The following PCCA variants were observed in gnomAD, a reference collection of about 807,000 sequenced individuals.
PCCA encodes the protein propionyl-CoA carboxylase alpha chain, mitochondrial.
In PCCA, 74 loss-of-function variants were observed where a neutral mutation model predicts 101.3. The ratio of observed to expected loss-of-function variants is 0.73; its 90% CI spans 0.61 to 0.89. The LOEUF (loss-of-function observed/expected upper bound fraction) is 0.89, where lower values mean the gene tolerates loss of function less well. Ranked by LOEUF, PCCA falls within the 40% of genes least tolerant of loss-of-function variation. The pLI, the probability that PCCA is intolerant of heterozygous loss-of-function variation, is 0.00. For missense variants in PCCA, 891 were observed against 907.0 expected (o/e 0.98, Z 0.23); for synonymous variants, 294 against 313.6 (o/e 0.94, Z 0.66).
Position 100,407,087 on chromosome 13 carries a change from A to G in PCCA, c.1747-18546A>G, listed in dbSNP as rs149481680. On this transcript the variant is annotated intron_variant, in intron 19 of 23. Coordinates refer to ENST00000376285, the MANE Select transcript of PCCA (RefSeq NM_000282.4). ...CTGACAAAGAAGTTCGGTTATCTCC[A>G]TGGTTTACAATAACTTAACATAACA... Among the ~76,000 whole-genome samples the G allele has an allele frequency of 1.8e-3, 276 of 152,322 alleles. 2 individuals are homozygous for G. Among genetic ancestry groups the G allele is most frequent in the Admixed American group, 5.4e-3 (83 of 15,304 alleles).
intron 12 of PCCA, among the ~76,000 whole-genome samples, chr13:100,282,795 G>A (rs1350165692): frequency 6.6e-6 from 1 of 152,108 alleles, no homozygotes; most frequent in African/African-American, 2.4e-5. Flanking sequence ...AGAATACACA[G>A]CTATGCAAAG....
intron 6 of PCCA, among the ~76,000 whole-genome samples, chr13:100,193,932 G>A (rs938999937): frequency 7.2e-5 from 11 of 151,990 alleles, no homozygotes; most frequent in East Asian, 1.9e-4. Context: ...TTATCCTGGC[G>A]TGGTAGCGGG....
intron 22 of PCCA, among the ~76,000 whole-genome samples, chr13:100,519,902 C>G (rs2087106462): frequency 6.6e-6 from 1 of 152,256 alleles, no homozygotes; most frequent in Admixed American, 6.5e-5. Context: ...AGGGGCTAGC[C>G]TGGCTGCTTC....
intron 6 of PCCA, among the ~76,000 whole-genome samples, chr13:100,184,231 T>C (rs2152434977): frequency 1.3e-5 from 2 of 152,278 alleles, no homozygotes; most frequent in Non-Finnish European, 2.9e-5. Flanking sequence ...TTTGTTTCTC[T>C]TTCTCCTCTG....
intron 10 of PCCA, 93 bp from the exon 11 acceptor site, chr13:100,268,596 A>G: frequency 1.1e-6 from 1 of 889,456 alleles, no homozygotes; most frequent in Non-Finnish European, 1.9e-6. Flanking sequence ...TTTGAATATT[A>G]AAAACCAAGA....
At chr13:100,282,926 A>T in intron 12 of PCCA, among the ~76,000 whole-genome samples, 1 of 152,134 alleles carries the variant, frequency 6.6e-6, no homozygotes, top group Non-Finnish European at 1.5e-5. Flanking sequence ...GAAGGAAATA[A>T]GCAAAGAAAT....
intron 19 of PCCA, among the ~76,000 whole-genome samples, chr13:100,383,576 C>T (rs2076344425): frequency 6.6e-6 from 1 of 151,692 alleles, no homozygotes; most frequent in Non-Finnish European, 1.5e-5. Flanking sequence ...CACCACTGCA[C>T]TCTAGCCTGG....
intron 4 of PCCA, among the ~76,000 whole-genome samples, chr13:100,132,093 TAAAC>T (rs1795334156): frequency 1.3e-5 from 2 of 152,202 alleles, no homozygotes; most frequent in Non-Finnish European, 2.9e-5. Flanking sequence ...AATGTACTCT[TAAAC>T]AGGAGGCCTG....
chr13:100,428,155 C>T (rs530400046), intron 20 of PCCA, among the ~76,000 whole-genome samples: 3 of 152,156 alleles, frequency 2.0e-5, no homozygotes, highest in South Asian at 4.2e-4. Context: ...CAGCTTTGAC[C>T]TCCCAGGCTC....
chr13:100,432,343 C>G (rs918941955), intron 20 of PCCA, among the ~76,000 whole-genome samples: 2 of 152,144 alleles, frequency 1.3e-5, no homozygotes, highest in African/African-American at 4.8e-5. Flanking sequence ...TTAATACGAT[C>G]CTCAGTATAT....
chr13:100,429,368 G>T (rs1422302649), intron 20 of PCCA, among the ~76,000 whole-genome samples: 1 of 151,926 alleles, frequency 6.6e-6, no homozygotes, highest in Non-Finnish European at 1.5e-5. Flanking sequence ...AATAAGGGAT[G>T]AATATTACCA....
At chr13:100,279,407 G>A (rs2063911526) in intron 12 of PCCA, among the ~76,000 whole-genome samples, 1 of 152,064 alleles carries the variant, frequency 6.6e-6, no homozygotes, top group African/African-American at 2.4e-5. Context: ...AAAGAATTTT[G>A]GACTTCATAT....
intron 18 of PCCA, among the ~76,000 whole-genome samples, chr13:100,348,161 A>T (rs982036536): frequency 3.3e-5 from 5 of 152,126 alleles, no homozygotes. Flanking sequence ...GTGTCCGTGA[A>T]ATGTTTTTCC....
intron 14 of PCCA, among the ~76,000 whole-genome samples, 185 bp from the exon 15 acceptor site, chr13:100,307,007 A>G (rs1377783572): frequency 2.0e-5 from 3 of 152,224 alleles, no homozygotes; most frequent in African/African-American, 7.2e-5. Flanking sequence ...TGGCAGAACA[A>G]AAAATGTGTT....
At chr13:100,133,720 G>A (rs559663259) in intron 4 of PCCA, among the ~76,000 whole-genome samples, 23 of 152,290 alleles carry the variant, frequency 1.5e-4, no homozygotes, top group African/African-American at 5.5e-4. Context: ...GTCTGCAAGG[G>A]TGTTACCAAA....
chr13:100,187,006 A>T (rs2057337415), intron 6 of PCCA, among the ~76,000 whole-genome samples: 1 of 152,202 alleles, frequency 6.6e-6, no homozygotes, highest in Non-Finnish European at 1.5e-5. Context: ...AGCTTATGTA[A>T]ACATTAGTGT....
intron 12 of PCCA, among the ~76,000 whole-genome samples, chr13:100,294,756 T>C (rs1039189591): frequency 1.3e-5 from 2 of 152,340 alleles, no homozygotes; most frequent in South Asian, 4.1e-4. Flanking sequence ...ATAGTTCTGA[T>C]GTTATTGGCA....
chr13:100,480,949 G>A (rs1767107469), intron 21 of PCCA: 2 of 152,262 alleles, frequency 1.3e-5, no homozygotes, highest in African/African-American at 4.8e-5. Context: ...GCCTAAGACT[G>A]CGGATGGGAC....
At chr13:100,354,345 AGGAGGGAGGGAG>A (rs59424979) in intron 18 of PCCA, among the ~76,000 whole-genome samples, 1 of 95,932 alleles carries the variant, frequency 1.0e-5, no homozygotes, top group South Asian at 5.0e-4. Flanking sequence ...GGGCGGTGGG[AGGAGGGAGGGAG>A]GGAGGGAGGG....
Sources: gnomAD v4.1 joint callset for allele counts (sites outside exome capture counted in the v4.1 genomes callset) on GRCh38, gnomAD v4.1.1 for gene constraint, MANE v1.5 for transcripts, NCBI Gene and HGNC (gene_info 2026-07-23, HGNC 2026-07-21) for gene names.